Variants in MTARC2 observed in about 807,000 individuals in gnomAD.
MTARC2 encodes the protein mitochondrial amidoxime reducing component 2, also known as MOCO sulphurase C-terminal domain containing 2.
A neutral mutation model predicts 35.6 loss-of-function variants in MTARC2; 27 were observed. That is an observed-to-expected ratio of 0.76 (90% CI 0.56 to 1.04). MTARC2 has a LOEUF of 1.04. MTARC2 is among the 50% of genes least tolerant of loss of function. The pLI is 0.00. For synonymous variants in MTARC2, 158 were observed against 167.1 expected, an observed-to-expected ratio of 0.95 and a Z score of 0.42; for missense variants, 412 against 432.5, an observed-to-expected ratio of 0.95 and a Z score of 0.42.
intron 4 of MTARC2, among the ~76,000 whole-genome samples, chr1:220,777,003 C>T (rs1347036290): frequency 1.3e-5 from 2 of 152,180 alleles, no homozygotes; most frequent in Non-Finnish European, 2.9e-5. Flanking sequence ...TCGGAGGTCA[C>T]GATCTACCAG....
intron 3 of MTARC2, 101 bp downstream of exon 3, chr1:220,761,921 A>C (rs1163179450): frequency 4.2e-5 from 48 of 1,144,054 alleles, no homozygotes; most frequent in Non-Finnish European, 5.6e-5. Flanking sequence ...CTCAGTTAAG[A>C]AAATATGATA....
chr1:220,763,171 C>T lies in MTARC2; in HGVS notation c.750+121C>T, dbSNP rs1572301181. 5.2e-6 allele frequency: 7 copies of T among 1,347,422 alleles called. No individual in the cohort carries two copies. In the East Asian group the frequency reaches 1.2e-4, roughly 23 times the overall value. 83.5% of individuals were successfully genotyped at this position (1,347,422 alleles called of 1,614,324 possible). ...GGGTCCAGTCATTCACTCATTGCTG[C>T]TGCCATCACTCATTGCTTGCGGAGT... On this transcript the variant is annotated intron_variant, in intron 4 of 7. Transcript: ENST00000366913.
chr1:220,769,621 G>A (rs547980336), intron 4 of MTARC2, among the ~76,000 whole-genome samples: 121 of 152,174 alleles, frequency 8.0e-4, no homozygotes, highest in African/African-American at 2.6e-3. Context: ...TTAAATCATC[G>A]TGAGCTTGGC....
At chr1:220,776,890 C>T (rs1275824971) in intron 4 of MTARC2, among the ~76,000 whole-genome samples, 1 of 152,146 alleles carries the variant, frequency 6.6e-6, no homozygotes, top group Non-Finnish European at 1.5e-5. Context: ...TCCGCAGCGC[C>T]CTCGTGTGGT....
At chr1:220,772,605 A>AC (rs1443396387) in intron 4 of MTARC2, among the ~76,000 whole-genome samples, 1 of 152,136 alleles carries the variant, frequency 6.6e-6, no homozygotes, top group Non-Finnish European at 1.5e-5. Context: ...GATCAAGGCT[A>AC]CAGTAGGTAG....
intron 4 of MTARC2, 145 bp from the exon 5 acceptor site, chr1:220,779,873 A>G: frequency 1.8e-6 from 1 of 561,184 alleles, no homozygotes. Flanking sequence ...CCTCCCTTTG[A>G]GTCCTCTGGG....
At chr1:220,758,261 G>C (rs1050443753) in intron 2 of MTARC2, among the ~76,000 whole-genome samples, 33 of 152,102 alleles carry the variant, frequency 2.2e-4, no homozygotes, top group African/African-American at 8.0e-4. Context: ...GGGATTACAG[G>C]CATGAGCCAC....
rs745874324 is a variant in MTARC2, at chr1:220,748,652, C to A, written c.121C>A (p.Arg41Ser). The change falls in exon 1 of 8, where the codon CGC becomes AGC. Residue 41 changes from arginine to serine, a missense_variant. Physicochemically the swap from Arg to Ser is moderately radical, Grantham distance 110. Transcript: ENST00000366913. ...AAVALGTVAW[R>S]RAWPRRRRRL... ...CGTGGCCCTGGGGACTGTCGCCTGGCGCCGCGCATGGCCCAGGCGGCGCCG... is the reference window on the plus strand; with the variant it reads ...CGTGGCCCTGGGGACTGTCGCCTGGAGCCGCGCATGGCCCAGGCGGCGCCG... The A allele has an allele frequency of 1.1e-5, 17 of 1,547,796 alleles. No individual in the cohort carries two copies. Among genetic ancestry groups the A allele is most frequent in the Non-Finnish European group, 1.5e-5 (17 of 1,150,722 alleles).
In MTARC2 at chr1:220,781,845, T is replaced by C; in HGVS notation, c.952T>C (p.Ser318Pro). The C allele has an allele frequency of 6.2e-7, 1 of 1,614,190 alleles. No homozygotes were observed. The highest frequency in any genetic ancestry group is 8.5e-7 in the Non-Finnish European group (1 of 1,180,010). Residue 318 changes from serine (S) to proline (P), a missense_variant, in exon 7 of 8, where the codon TCA becomes CCA. Transcript: ENST00000366913. ...GTCTCCACTTTTTGGGATCTATTATTCAGTGGAAAAAATTGGAAGCCTGAG... is the reference window on the plus strand; with the variant it reads ...GTCTCCACTTTTTGGGATCTATTATCCAGTGGAAAAAATTGGAAGCCTGAG... Reference protein sequence around the residue: ...KLSPLFGIYYSVEKIGSLRVG... With the variant: ...KLSPLFGIYYPVEKIGSLRVG...
chr1:220,780,111 G>C (rs763219100), intron 5 of MTARC2, 32 bp downstream of exon 5: 13 of 1,606,056 alleles, frequency 8.1e-6, no homozygotes, highest in Non-Finnish European at 1.0e-5. Context: ...CAGGACTGTG[G>C]TGTGGCCCAT....
Position 220,781,795 on chromosome 1 carries a change from C to T in MTARC2, c.902C>T (p.Pro301Leu). The change falls in exon 7 of 8, where the codon CCT becomes CTT. Residue 301 changes from proline (P) to leucine (L), a missense_variant. Transcript: ENST00000366913. ...TGTTTCAGCTACCGCCTGTGTGATC[C>T]TTCTGAGAGGGAATTGTACAAGTTG... ...DTLKSYRLCD[P>L]SERELYKLSP... 2 of 1,614,106 alleles carry T rather than the reference C, an allele frequency of 1.2e-6. No individual in the cohort carries two copies. The highest frequency in any genetic ancestry group is 2.2e-5 in the South Asian group (2 of 91,062).
chr1:220,753,821 C>T (rs439130), intron 1 of MTARC2, among the ~76,000 whole-genome samples: 51,563 of 152,010 alleles, frequency 0.34, 10,800 homozygotes, highest in East Asian at 0.7. Context: ...GAGGCTGAGG[C>T]GGCAGGTCAC....
At chr1:220,757,114 C>G (rs1671301231) in intron 2 of MTARC2, among the ~76,000 whole-genome samples, 1 of 152,240 alleles carries the variant, frequency 6.6e-6, no homozygotes, top group Admixed American at 6.5e-5. Context: ...GTTGGCCAGG[C>G]TGGTTTCGAA....
chr1:220,777,881 G>A (rs1671960345), intron 4 of MTARC2, among the ~76,000 whole-genome samples: 1 of 152,150 alleles, frequency 6.6e-6, no homozygotes, highest in African/African-American at 2.4e-5. Flanking sequence ...TAATCTGTCT[G>A]GATATATGTA....
At chr1:220,756,904 T>C (rs1671294928) in intron 2 of MTARC2, among the ~76,000 whole-genome samples, 1 of 152,230 alleles carries the variant, frequency 6.6e-6, no homozygotes, top group Admixed American at 6.5e-5. Flanking sequence ...TATTCTTTTT[T>C]ATTTATTTAT....
In MTARC2 at chr1:220,755,054, CT is replaced by C; in HGVS notation, c.381del (p.Pro128GlnfsTer45). The C allele has an allele frequency of 6.2e-7, 1 of 1,613,230 alleles. No individual in the cohort carries two copies. Among genetic ancestry groups the C allele is most frequent in the Non-Finnish European group, 8.5e-7 (1 of 1,179,624 alleles). ...IYENNCLIFR[A>X]PDMDQLVLPS... ...GAGAATAACTGCCTGATCTTCAGGG[CT>C]CCAGACATGGACCAGCTGGTTTTGC... On this transcript the variant is annotated frameshift_variant, in exon 2 of 8. Transcript: ENST00000366913. LOFTEE classifies it high-confidence loss of function.
intron 4 of MTARC2, among the ~76,000 whole-genome samples, chr1:220,774,950 T>TGTGC (rs897048718): frequency 6.6e-6 from 1 of 150,750 alleles, no homozygotes; most frequent in Admixed American, 6.6e-5. Flanking sequence ...GACCCGTGTG[T>TGTGC]GTGCGTGTGT....
At chr1:220,757,145 A>G (rs1572295025) in intron 2 of MTARC2, among the ~76,000 whole-genome samples, 1 of 152,362 alleles carries the variant, frequency 6.6e-6, no homozygotes, top group East Asian at 1.9e-4. Flanking sequence ...CAGGTGATCC[A>G]CCTGCCTTGG....
intron 2 of MTARC2, among the ~76,000 whole-genome samples, chr1:220,758,141 C>T (rs185247721): frequency 6.6e-6 from 1 of 152,038 alleles, no homozygotes; most frequent in Non-Finnish European, 1.5e-5. Context: ...CACGCCACCA[C>T]GCCCAGCTAA....
Sources: allele counts gnomAD v4.1 joint callset (sites outside exome capture counted in the v4.1 genomes callset), GRCh38; gene constraint gnomAD v4.1.1; transcripts MANE v1.5; gene names NCBI Gene and HGNC (gene_info 2026-07-23, HGNC 2026-07-21).